Variants in AGTPBP1 observed in about 807,000 individuals in gnomAD.
AGTPBP1 encodes the protein ATP/GTP binding carboxypeptidase 1.
In AGTPBP1, 70 loss-of-function variants were observed where a neutral mutation model predicts 143.9. The observed-to-expected ratio is 0.49, with a 90% CI of 0.40 to 0.59. AGTPBP1 has a LOEUF of 0.59. Ranked by LOEUF, AGTPBP1 falls within the 20% of genes least tolerant of loss-of-function variation. The probability of loss-of-function intolerance (pLI) is 0.00; values close to 1 mark genes in which losing one functional copy is unlikely to be tolerated. For synonymous variants in AGTPBP1, 463 were observed against 500.2 expected (o/e 0.93, Z 0.99); for missense variants, 1,229 against 1,464.5 (o/e 0.84, Z 2.62).
the AGTPBP1 span, among the ~76,000 whole-genome samples, chr9:85,760,403 T>A: frequency 3.5e-4 from 53 of 152,204 alleles, no homozygotes; most frequent in Middle Eastern, 3.4e-3. Flanking sequence ...CAGCAGCACA[T>A]CAAAAAGCTT....
At chr9:85,771,911 G>C in the AGTPBP1 span, among the ~76,000 whole-genome samples, 1 of 151,676 alleles carries the variant, frequency 6.6e-6, no homozygotes, top group Non-Finnish European at 1.5e-5. Flanking sequence ...CGCCCGCCTC[G>C]GCCTCCCAAA....
At chr9:85,559,451 CT>C (rs537702007) in intron 25 of AGTPBP1, among the ~76,000 whole-genome samples, 184 of 140,348 alleles carry the variant, frequency 1.3e-3, no homozygotes, top group Middle Eastern at 0.011. Context: ...AAAAAAAAAT[CT>C]TTTTTTTTTT....
rs769926888 is a variant in AGTPBP1, at chr9:85,646,415, T to G, written c.1091A>C (p.Asp364Ala). Residue 364 changes from aspartate (D) to alanine (A), a missense_variant, in exon 12 of 26, where the codon GAT (aspartate) becomes GCT (alanine). Coordinates refer to ENST00000357081, the MANE Select transcript of AGTPBP1 (RefSeq NM_001330701.2). ...AQLYSLPPEVDDVVDESDDND... is the reference protein window; with the variant it reads ...AQLYSLPPEVADVVDESDDND... ...GTCATCACTTTCATCTACTACGTCA[T>G]CCACTATGATACAAAATGTGCTATA... 1.2e-6 allele frequency: 2 copies of G among 1,611,642 alleles called. No homozygotes were observed. The highest frequency in any genetic ancestry group is 2.7e-5 in the African/African-American group (2 of 74,876).
the AGTPBP1 span, among the ~76,000 whole-genome samples, chr9:85,805,167 C>A: frequency 3.3e-5 from 5 of 152,204 alleles, no homozygotes; most frequent in South Asian, 1.0e-3. Flanking sequence ...TCCTCTCCCC[C>A]AACTCGGGCG....
chr9:85,628,774 C>T lies in AGTPBP1; in HGVS notation c.2015+3888G>A, dbSNP rs1587773932. Among the ~76,000 whole-genome samples the T allele has an allele frequency of 3.3e-5, 5 of 152,120 alleles. No individual in the cohort carries two copies. In the South Asian group the frequency reaches 1.0e-3, roughly 32 times the overall value. ...TGTTGCCCAAGCTGGAGTGCGGTGG[C>T]ACGATCTCAGCTCACCGCAACCTCT... On this transcript the variant is annotated intron_variant, in intron 14 of 25. Coordinates refer to ENST00000357081, the MANE Select transcript of AGTPBP1 (RefSeq NM_001330701.2).
chr9:85,635,941 C>T (rs1832013313), intron 13 of AGTPBP1, among the ~76,000 whole-genome samples: 1 of 152,056 alleles, frequency 6.6e-6, no homozygotes, highest in Non-Finnish European at 1.5e-5. Flanking sequence ...AACCGGCCAT[C>T]AAATCACATG....
chr9:85,741,346 T>C, intron 1 of AGTPBP1: 1 of 984,760 alleles, frequency 1.0e-6, no homozygotes, highest in South Asian at 4.7e-5. Flanking sequence ...CCGCTACCAC[T>C]GGGGCGGGGG....
At position 85,660,969 on chromosome 9, in the gene AGTPBP1, C is replaced by A; in HGVS notation, c.667G>T (p.Ala223Ser). The A allele has an allele frequency of 1.3e-6, 2 of 1,594,594 alleles. No homozygotes were observed. The highest frequency in any genetic ancestry group is 2.3e-5 in the South Asian group (2 of 87,086). ...SKKNSSLIKV[A>S]LDTLAALLKS... ...AGCAATGCAGCAAGAGTGTCTAAAG[C>A]AACCCTGTCAACACAACAAGAAAAC... is the stretch of plus-strand genomic sequence containing the variant. Residue 223 changes from alanine (A) to serine (S), a missense_variant, in exon 9 of 26, where the codon GCT (alanine) becomes TCT (serine). By Grantham distance (99) the Ala-to-Ser change is moderately conservative. Transcript: ENST00000357081.
upstream of AGTPBP1, among the ~76,000 whole-genome samples, chr9:85,742,281 C>T (rs977547179): frequency 3.9e-5 from 6 of 152,144 alleles, no homozygotes; most frequent in African/African-American, 1.4e-4. Flanking sequence ...GAGCGACTCC[C>T]CACGTTCTTC....
chr9:85,558,324 G>C (rs1412388544), intron 25 of AGTPBP1, among the ~76,000 whole-genome samples: 1 of 152,148 alleles, frequency 6.6e-6, no homozygotes, highest in South Asian at 2.1e-4. Context: ...GGTTGCCAGG[G>C]GCCAGGAGTG....
chr9:85,690,641 G>A (rs760717068), intron 3 of AGTPBP1, among the ~76,000 whole-genome samples: 4 of 151,940 alleles, frequency 2.6e-5, no homozygotes, highest in Non-Finnish European at 4.4e-5. Flanking sequence ...GTAGGGTCAG[G>A]AGTATTTTCA....
the AGTPBP1 span, among the ~76,000 whole-genome samples, chr9:85,798,098 C>T: frequency 6.2e-5 from 9 of 144,276 alleles, no homozygotes; most frequent in Admixed American, 6.3e-4. Flanking sequence ...GACGGGGTTT[C>T]ACCATATTGG....
intron 25 of AGTPBP1, among the ~76,000 whole-genome samples, chr9:85,567,159 A>C (rs573600322): frequency 1.3e-5 from 2 of 152,346 alleles, no homozygotes; most frequent in South Asian, 4.1e-4. Flanking sequence ...ACTTAAAATG[A>C]GCCTGCAAAC....
At chr9:85,782,535 A>C in the AGTPBP1 span, among the ~76,000 whole-genome samples, 1 of 152,178 alleles carries the variant, frequency 6.6e-6, no homozygotes, top group Non-Finnish European at 1.5e-5. Context: ...ATGCTAAGTT[A>C]TATTTGTGAC....
rs368433383 is a variant in AGTPBP1, at chr9:85,547,125, C to T, written c.3665G>A (p.Arg1222Lys). ...GCAGCGGGCTCAAGGTAGGTATGTT[C>T]TTGATAATTCAGAGTCAGAAAGTAC... ...EEVLSDSELS[R>K]TYLP Residue 1222 changes from arginine to lysine, a missense_variant, in exon 26 of 26, where the codon AGA (arginine) becomes AAA (lysine). Around this residue, in one of 2 missense-constraint regions of AGTPBP1, gnomAD observed 486 missense variants for 652.3 expected, o/e 0.75. Coordinates refer to ENST00000357081, the MANE Select transcript of AGTPBP1 (RefSeq NM_001330701.2). The T allele has an allele frequency of 3.7e-6, 6 of 1,610,550 alleles. No homozygotes were observed. Among genetic ancestry groups the T allele is most frequent in the African/African-American group, 1.3e-5 (1 of 74,682 alleles).
rs148224875 is a variant in AGTPBP1 at position 85,616,097 on chromosome 9, C to G, written c.2335+2886G>C. 9.1e-3 allele frequency among the ~76,000 whole-genome samples: 1,381 copies of G among 151,980 alleles called. 26 individuals are homozygous for G. Among genetic ancestry groups the G allele is most frequent in the African/African-American group, 0.031 (1,292 of 41,514 alleles). On this transcript the variant is annotated intron_variant, in intron 17 of 25. Transcript: ENST00000357081. ...TAACTATATGTAAGTAGAAATCATA[C>G]ACTGCATTATAAAAAAGGCTGGTAA...
At chr9:85,726,416 T>C (rs558431334) in intron 1 of AGTPBP1, among the ~76,000 whole-genome samples, 2 of 152,376 alleles carry the variant, frequency 1.3e-5, no homozygotes, top group Non-Finnish European at 2.9e-5. Flanking sequence ...TTAAGTCTTA[T>C]ACATTAACAT....
chr9:85,578,946 A>G lies in AGTPBP1; in HGVS notation c.3316T>C (p.Cys1106Arg). The change falls in exon 24 of 26, where the codon TGT (cysteine) becomes CGT (arginine). Residue 1106 changes from cysteine to arginine, a missense_variant. By Grantham distance (180) the Cys-to-Arg change is radical. Transcript: ENST00000357081. The stretch of plus-strand genomic sequence containing the variant: ...TTGTATTTTCCCTGATCACAGCCAC[A>G]TAAAGTACTCTCCATGGTATAACTT... Reference protein sequence around the residue: ...QRSYTMESTLCGCDQGKYKGL... With the variant: ...QRSYTMESTLRGCDQGKYKGL... 1 of 1,613,556 alleles carries G rather than the reference A, an allele frequency of 6.2e-7. No homozygotes were observed. Among genetic ancestry groups the G allele is most frequent in the Non-Finnish European group, 8.5e-7 (1 of 1,179,802 alleles).
chr9:85,789,871 G>C, the AGTPBP1 span, among the ~76,000 whole-genome samples: 1,761 of 152,240 alleles, frequency 0.012, 22 homozygotes, highest in African/African-American at 0.038. Flanking sequence ...TCCTTAGTGG[G>C]AGTTCGGTTC....
Sources: allele counts gnomAD v4.1 joint callset (sites outside exome capture counted in the v4.1 genomes callset), GRCh38; gene constraint gnomAD v4.1.1; regional missense constraint gnomAD v4.1.1; transcripts MANE v1.5; gene names NCBI Gene and HGNC (gene_info 2026-07-23, HGNC 2026-07-21).